The following NDUFS1 variants were observed in gnomAD, a reference collection of about 807,000 sequenced individuals.
NDUFS1 encodes the protein NADH:ubiquinone oxidoreductase core subunit S1.
A neutral mutation model predicts 84.4 loss-of-function variants in NDUFS1; 61 were observed. That is an observed-to-expected ratio of 0.72 (90% confidence interval 0.59 to 0.89). The LOEUF (loss-of-function observed/expected upper bound fraction) is 0.89, where lower values mean the gene tolerates loss of function less well. NDUFS1 is among the 40% of genes least tolerant of loss of function. The probability of loss-of-function intolerance (pLI) is 0.00; values close to 1 mark genes in which losing one functional copy is unlikely to be tolerated. For missense variants in NDUFS1, 891 were observed against 890.0 expected (o/e 1.00, Z -0.01); for synonymous variants, 275 against 290.0 (o/e 0.95, Z 0.53).
intron 10 of NDUFS1, among the ~76,000 whole-genome samples, chr2:206,143,103 TC>T (rs1692026516): frequency 6.6e-6 from 1 of 151,914 alleles, no homozygotes; most frequent in Non-Finnish European, 1.5e-5. Flanking sequence ...AATACAAAAA[TC>T]AGCTGGGCAT....
Position 206,148,028 on chromosome 2 carries a change from G to A in NDUFS1, c.339-194C>T, listed in dbSNP as rs1210330930. On this transcript the variant is annotated intron_variant, in intron 5 of 18. Transcript: ENST00000233190. The stretch of plus-strand genomic sequence containing the variant: ...CTGCCTCCACCTCTCAGGTTCAAGC[G>A]ATTCTCTTGCCTCAGCCTCCCGAGT... Among the ~76,000 whole-genome samples, 3 of 151,906 alleles carry A rather than the reference G, an allele frequency of 2.0e-5. No individual in the cohort carries two copies. In the East Asian group the frequency reaches 5.8e-4, roughly 29 times the overall value.
rs1692269498 is a variant in NDUFS1, at chr2:206,149,075, G to A, written c.283C>T (p.Pro95Ser). 6.2e-7 allele frequency: 1 copy of A among 1,612,164 alleles called. No homozygotes were observed. Among genetic ancestry groups the A allele is most frequent in the African/African-American group, 1.3e-5 (1 of 74,556 alleles). Residue 95 changes from proline (P) to serine (S), a missense_variant, in exon 5 of 19, where the codon CCA becomes TCA. Coordinates refer to ENST00000233190, the MANE Select transcript of NDUFS1 (RefSeq NM_005006.7). ...APKVVAACAM[P>S]VMKGWNILTN... ...AGGATATTCCAACCCTTCATTACTG[G>A]CATGGCACAAGCAGCTACAACCTGG...
chr2:206,146,589 T>C (rs1427613765), intron 8 of NDUFS1, among the ~76,000 whole-genome samples: 1 of 152,174 alleles, frequency 6.6e-6, no homozygotes, highest in Non-Finnish European at 1.5e-5. Flanking sequence ...TCCTCATAGT[T>C]GAAAACTTAA....
intron 13 of NDUFS1, among the ~76,000 whole-genome samples, chr2:206,135,328 C>T (rs968646569): frequency 2.0e-5 from 3 of 151,870 alleles, no homozygotes; most frequent in Admixed American, 2.0e-4. Flanking sequence ...ATCAAGAGTT[C>T]TTAATGAAGG....
intron 18 of NDUFS1, among the ~76,000 whole-genome samples, chr2:206,124,961 G>A (rs527474111): frequency 1.3e-5 from 2 of 151,992 alleles, no homozygotes; most frequent in African/African-American, 2.4e-5. Flanking sequence ...TAAATTTTAG[G>A]GTACATGAAT....
chr2:206,121,186 C>T lies in NDUFS1; in HGVS notation c.*2999G>A, dbSNP rs1176023113. Reference sequence around the variant, plus strand: ...ATTATTCCAAGGTCTTTCTAGATTGCCTTATTCACCTAAAGAGACTTGATC... The same window carrying T: ...ATTATTCCAAGGTCTTTCTAGATTGTCTTATTCACCTAAAGAGACTTGATC... On this transcript the variant is annotated 3_prime_UTR_variant, in exon 19 of 19. Transcript: ENST00000233190. The T allele has an allele frequency of 1.3e-5, 2 of 152,110 alleles. No individual in the cohort carries two copies. Among genetic ancestry groups the T allele is most frequent in the Admixed American group, 6.6e-5 (1 of 15,264 alleles). The allele number at this position is 152,110 out of a possible 1,614,324, so 9.4% of individuals were successfully genotyped here.
At chr2:206,132,840 T>C in intron 14 of NDUFS1, 105 bp downstream of exon 14, 5 of 1,016,260 alleles carry the variant, frequency 4.9e-6, no homozygotes, top group Admixed American at 4.1e-5. Context: ...TGGGATAATG[T>C]TGCTAAATGT....
rs4147707 is a variant in NDUFS1, at chr2:206,159,383, G to C, written c.-47C>G. ...GGAGGCTGTTCTGCTAAACTGTCTG[G>C]ACCACGACGACCCCCTAGGAGGCCG... On this transcript the variant is annotated 5_prime_UTR_variant, in exon 1 of 19. Coordinates refer to ENST00000233190, the MANE Select transcript of NDUFS1 (RefSeq NM_005006.7). The C allele has an allele frequency of 0.41, 226,832 of 559,318 alleles. 47,451 individuals are homozygous for C. The highest frequency in any genetic ancestry group is 0.5 in the Middle Eastern group (1,055 of 2,090). 34.6% of individuals were successfully genotyped at this position (559,318 alleles called of 1,614,324 possible). A position where few individuals can be genotyped will look rare whatever the true frequency, so the allele number is the denominator to read the frequency against.
chr2:206,142,925 G>A (rs1021800835), intron 10 of NDUFS1, 94 bp from the exon 11 acceptor site: 2 of 1,521,244 alleles, frequency 1.3e-6, no homozygotes, highest in Non-Finnish European at 8.9e-7. Context: ...TTGTTTTCAA[G>A]TACAAAAAAA....
Position 206,121,377 on chromosome 2 carries a change from T to C in NDUFS1, c.*2808A>G, listed in dbSNP as rs1030550092. On this transcript the variant is annotated 3_prime_UTR_variant, in exon 19 of 19. Transcript: ENST00000233190. ...TTTATGCTTACAATAACCTTAGTAT[T>C]TGGCATTACGACACTAATATGTGCC... The C allele has an allele frequency of 6.6e-6, 1 of 152,218 alleles. No individual in the cohort carries two copies. The highest frequency in any genetic ancestry group is 2.4e-5 in the African/African-American group (1 of 41,454). The allele number at this position is 152,218 out of a possible 1,614,324, so 9.4% of individuals were successfully genotyped here.
In NDUFS1 at chr2:206,153,688, A is replaced by C. The variant is rs748462127; in HGVS notation, c.-4-6T>G. The C allele has an allele frequency of 7.1e-7, 1 of 1,407,334 alleles. No homozygotes were observed. The highest frequency in any genetic ancestry group is 1.9e-5 in the Admixed American group (1 of 52,896). The allele number at this position is 1,407,334 out of a possible 1,614,324, so 87.2% of individuals were successfully genotyped here. A position where few individuals can be genotyped will look rare whatever the true frequency, so the allele number is the denominator to read the frequency against. The stretch of plus-strand genomic sequence containing the variant: ...CAGGTATCCTTAACATATTGCTAAA[A>C]ATAAAACAAAGAATTATATTATTGT... On this transcript the variant is annotated splice_polypyrimidine_tract_variant and splice_region_variant and intron_variant, in intron 1 of 18. Coordinates refer to ENST00000233190, the MANE Select transcript of NDUFS1 (RefSeq NM_005006.7).
chr2:206,159,393 A>T lies in NDUFS1; in HGVS notation c.-57T>A. 2.0e-6 allele frequency: 1 copy of T among 500,428 alleles called. No individual in the cohort carries two copies. 31.0% of individuals were successfully genotyped at this position (500,428 alleles called of 1,614,324 possible). A position where few individuals can be genotyped will look rare whatever the true frequency, so the allele number is the denominator to read the frequency against. On this transcript the variant is annotated 5_prime_UTR_variant, in exon 1 of 19. Coordinates refer to ENST00000233190, the MANE Select transcript of NDUFS1 (RefSeq NM_005006.7). ...CTGCTAAACTGTCTGGACCACGACG[A>T]CCCCCTAGGAGGCCGGGTCGCTTAT...
intron 1 of NDUFS1, chr2:206,159,006 G>A: frequency 7.2e-7 from 1 of 1,390,440 alleles, no homozygotes; most frequent in Non-Finnish European, 9.8e-7. Flanking sequence ...TCGGACACTG[G>A]TCCTCTCCCG....
At chr2:206,129,956 AAAGG>A in intron 15 of NDUFS1, 128 bp downstream of exon 15, 3 of 966,470 alleles carry the variant, frequency 3.1e-6, no homozygotes, top group Non-Finnish European at 4.8e-6. Context: ...GTTTAAAAAA[AAAGG>A]AGGAGGAGTG....
Position 206,142,793 on chromosome 2 carries a change from T to C in NDUFS1, c.1026A>G (p.Ala342=). 2.5e-6 allele frequency: 4 copies of C among 1,614,204 alleles called. No individual in the cohort carries two copies. Among genetic ancestry groups the C allele is most frequent in the Non-Finnish European group, 2.5e-6 (3 of 1,180,042 alleles). Residue 342 remains alanine, a synonymous_variant, in exon 11 of 19, where the codon GCA becomes GCG. Coordinates refer to ENST00000233190, the MANE Select transcript of NDUFS1 (RefSeq NM_005006.7). ...GGGCTTCAGCATCCACCAAGCCACCTGCAATTGCTGCCACATCTTTGCCTT... is the reference window on the plus strand; with the variant it reads ...GGGCTTCAGCATCCACCAAGCCACCCGCAATTGCTGCCACATCTTTGCCTT... ...SFQGKDVAAI[A]GGLVDAEALV... is the part of the protein sequence containing the mutation.
rs1691122681 is a variant in NDUFS1 at position 206,122,416 on chromosome 2, G to A, written c.*1769C>T. 6.6e-6 allele frequency: 1 copy of A among 151,630 alleles called. No individual in the cohort carries two copies. The highest frequency in any genetic ancestry group is 6.6e-5 in the Admixed American group (1 of 15,212). The allele number at this position is 151,630 out of a possible 1,614,324, so 9.4% of individuals were successfully genotyped here. A position where few individuals can be genotyped will look rare whatever the true frequency, so the allele number is the denominator to read the frequency against. ...GGCCAAGGCAGGTAGATCACCTGAG[G>A]TTAGGAGTTCAAGACCAGCCTGGCC... On this transcript the variant is annotated 3_prime_UTR_variant, in exon 19 of 19. Coordinates refer to ENST00000233190, the MANE Select transcript of NDUFS1 (RefSeq NM_005006.7).
chr2:206,137,350 T>G (rs1356841357), intron 13 of NDUFS1, among the ~76,000 whole-genome samples: 2 of 152,010 alleles, frequency 1.3e-5, no homozygotes, highest in Non-Finnish European at 2.9e-5. Flanking sequence ...GGTGCGTGCC[T>G]GTAGTCCCAG....
chr2:206,124,596 T>C (rs1472244714), intron 18 of NDUFS1, among the ~76,000 whole-genome samples: 1 of 152,028 alleles, frequency 6.6e-6, no homozygotes, highest in African/African-American at 2.4e-5. Flanking sequence ...TCCCAGCACT[T>C]TGGGAGGCCG....
At position 206,123,941 on chromosome 2, in the gene NDUFS1, GGTT is replaced by G. The variant is rs1448808860; in HGVS notation, c.*241_*243del. ...AGGATCTCTTTATGTTCGTCACAAA[GGTT>G]ATCAATGCTTTTAAGAGCATCTGCA... is the stretch of plus-strand genomic sequence containing the variant. On this transcript the variant is annotated 3_prime_UTR_variant, in exon 19 of 19. Coordinates refer to ENST00000233190, the MANE Select transcript of NDUFS1 (RefSeq NM_005006.7). The G allele has an allele frequency of 2.8e-5, 12 of 432,402 alleles. No homozygotes were observed. Among genetic ancestry groups the G allele is most frequent in the Non-Finnish European group, 4.1e-5 (10 of 244,140 alleles). The allele number at this position is 432,402 out of a possible 1,614,324, so 26.8% of individuals were successfully genotyped here.
Sources: gnomAD v4.1 joint callset for allele counts (sites outside exome capture counted in the v4.1 genomes callset) on GRCh38, gnomAD v4.1.1 for gene constraint, MANE v1.5 for transcripts, NCBI Gene and HGNC (gene_info 2026-07-23, HGNC 2026-07-21) for gene names.